CSMD1: variants seen among roughly 807,000 people sequenced by gnomAD.
CSMD1 encodes CUB and Sushi multiple domains 1, also known as CUB and sushi domain-containing protein 1.
In CSMD1, 213 loss-of-function variants were observed where a neutral mutation model predicts 417.5. The observed-to-expected ratio is 0.51, with a 90% CI of 0.46 to 0.57. CSMD1 has a LOEUF of 0.57. Ranked by LOEUF, CSMD1 falls within the 20% of genes least tolerant of loss-of-function variation. The probability of loss-of-function intolerance (pLI) is 0.00; values close to 1 mark genes in which losing one functional copy is unlikely to be tolerated. For missense variants in CSMD1, 6,923 were observed against 4,529.7 expected, an observed-to-expected ratio of 1.53 and a Z score of -15.17; for synonymous variants, 2,862 against 1,736.8, an observed-to-expected ratio of 1.65 and a Z score of -16.11.
intron 3 of CSMD1, among the ~76,000 whole-genome samples, chr8:4,328,123 T>C (rs904499854): frequency 3.3e-5 from 5 of 152,186 alleles, no homozygotes; most frequent in Admixed American, 6.5e-5. Context: ...TATGTCCATT[T>C]ATGAATGAAG....
chr8:4,682,805 G>C (rs917978077), intron 1 of CSMD1, among the ~76,000 whole-genome samples: 5 of 150,862 alleles, frequency 3.3e-5, no homozygotes, highest in African/African-American at 1.2e-4. Flanking sequence ...TTATATATAA[G>C]AATATGATTT....
chr8:4,164,887 A>AG (rs1563209916), intron 3 of CSMD1, among the ~76,000 whole-genome samples: 2 of 123,088 alleles, frequency 1.6e-5, no homozygotes, highest in Non-Finnish European at 3.4e-5. Context: ...AAAGAAAAAA[A>AG]AAAATATATA....
chr8:3,463,199 C>G (rs751512588), intron 12 of CSMD1, among the ~76,000 whole-genome samples: 5 of 152,308 alleles, frequency 3.3e-5, no homozygotes, highest in Non-Finnish European at 7.3e-5. Context: ...ACTGTTCAAC[C>G]TCTCCCTCCA....
rs181854976 is a variant in CSMD1 at position 4,124,533 on chromosome 8, G to A, written c.416-92434C>T. Among the ~76,000 whole-genome samples the A allele has an allele frequency of 2.7e-4, 41 of 152,284 alleles. 1 individual carries two copies. Among genetic ancestry groups the A allele is most frequent in the African/African-American group, 8.9e-4 (37 of 41,558 alleles). On this transcript the variant is annotated intron_variant, in intron 3 of 69. Transcript: ENST00000635120. ...GTGTGTCTTCAAGTATCAAAGCCCTGAGAACTTACAGAAGCTTTGTGGCCA... is the reference window on the plus strand; with the variant it reads ...GTGTGTCTTCAAGTATCAAAGCCCTAAGAACTTACAGAAGCTTTGTGGCCA...
At chr8:3,266,407 A>G (rs1420095517) in intron 26 of CSMD1, among the ~76,000 whole-genome samples, 3 of 151,364 alleles carry the variant, frequency 2.0e-5, no homozygotes, top group African/African-American at 7.3e-5. Context: ...GGAGATTGAG[A>G]CCAGCCTGGC....
At chr8:3,078,610 G>C (rs967750955) in intron 49 of CSMD1, among the ~76,000 whole-genome samples, 1 of 152,158 alleles carries the variant, frequency 6.6e-6, no homozygotes, top group Non-Finnish European at 1.5e-5. Flanking sequence ...GCTAAAAATG[G>C]CTTTTACATC....
At chr8:4,527,622 A>G (rs912329857) in intron 2 of CSMD1, among the ~76,000 whole-genome samples, 1 of 152,234 alleles carries the variant, frequency 6.6e-6, no homozygotes, top group African/African-American at 2.4e-5. Context: ...TATTGCAGCC[A>G]TAGATCCCAG....
chr8:4,604,807 G>T (rs573718943), intron 2 of CSMD1, among the ~76,000 whole-genome samples: 31 of 152,238 alleles, frequency 2.0e-4, no homozygotes, highest in Admixed American at 7.8e-4. Context: ...ATATTTAGTT[G>T]TACCTCCTTT....
At position 4,120,646 on chromosome 8, in the gene CSMD1, G is replaced by C. The variant is rs116655846; in HGVS notation, c.416-88547C>G. On this transcript the variant is annotated intron_variant, in intron 3 of 69. Coordinates refer to ENST00000635120, the MANE Select transcript of CSMD1 (RefSeq NM_033225.6). ...GTGTACCTGCCACTGGCCTTCTCTA[G>C]TCAGTAACTTCATCACGTGACTTTT... 4.6e-3 allele frequency among the ~76,000 whole-genome samples: 700 copies of C among 152,314 alleles called. 4 individuals are homozygous for C. Among genetic ancestry groups the C allele is most frequent in the African/African-American group, 0.016 (680 of 41,568 alleles).
At chr8:3,199,995 G>T (rs1585634451) in intron 32 of CSMD1, among the ~76,000 whole-genome samples, 186 bp from the exon 33 acceptor site, 1 of 152,272 alleles carries the variant, frequency 6.6e-6, no homozygotes, top group African/African-American at 2.4e-5. Flanking sequence ...TCCTAGGCAA[G>T]AATAGGCAGT....
At chr8:4,852,969 T>A (rs1801572089) in intron 1 of CSMD1, among the ~76,000 whole-genome samples, 1 of 152,178 alleles carries the variant, frequency 6.6e-6, no homozygotes, top group Non-Finnish European at 1.5e-5. Context: ...ATTCATGATG[T>A]GGCCTGGCTG....
At chr8:3,985,094 G>T (rs936612646) in intron 5 of CSMD1, among the ~76,000 whole-genome samples, 5 of 151,930 alleles carry the variant, frequency 3.3e-5, no homozygotes, top group Non-Finnish European at 7.4e-5. Flanking sequence ...TGTTACTTAG[G>T]GGGGACTTGT....
At chr8:4,242,652 T>C (rs1401328546) in intron 3 of CSMD1, among the ~76,000 whole-genome samples, 3 of 152,172 alleles carry the variant, frequency 2.0e-5, no homozygotes, top group African/African-American at 4.8e-5. Flanking sequence ...TGGAAATAGA[T>C]TCCCTCCTTC....
chr8:4,032,303 C>G (rs764135209), intron 3 of CSMD1, among the ~76,000 whole-genome samples: 5 of 152,174 alleles, frequency 3.3e-5, no homozygotes, highest in Non-Finnish European at 7.3e-5. Context: ...TTATAAACAT[C>G]ATAAAGTGTA....
intron 3 of CSMD1, among the ~76,000 whole-genome samples, chr8:4,127,986 TG>T (rs1802865878): frequency 6.6e-6 from 1 of 152,192 alleles, no homozygotes; most frequent in Admixed American, 6.5e-5. Context: ...GCCACTGCTT[TG>T]GGAAAGGGAT....
At chr8:4,149,713 C>A (rs550597914) in intron 3 of CSMD1, among the ~76,000 whole-genome samples, 21 of 152,326 alleles carry the variant, frequency 1.4e-4, no homozygotes, top group African/African-American at 3.6e-4. Flanking sequence ...TGAGCTCCAA[C>A]AGAAACATTT....
chr8:4,678,269 G>C (rs1805822150), intron 1 of CSMD1, among the ~76,000 whole-genome samples: 1 of 151,978 alleles, frequency 6.6e-6, no homozygotes, highest in African/African-American at 2.4e-5. Context: ...AAATTAGCCA[G>C]GTGTGGTGGC....
At chr8:4,720,836 G>A (rs1242187998) in intron 1 of CSMD1, among the ~76,000 whole-genome samples, 1 of 152,138 alleles carries the variant, frequency 6.6e-6, no homozygotes, top group Admixed American at 6.6e-5. Flanking sequence ...AACACAGAAG[G>A]AAAGTCTAGA....
chr8:3,040,634 C>G (rs1054030078), intron 50 of CSMD1, among the ~76,000 whole-genome samples: 4 of 151,822 alleles, frequency 2.6e-5, no homozygotes, highest in Non-Finnish European at 5.9e-5. Context: ...GAAACCCCGT[C>G]TCTACTAAAA....
Sources: gnomAD v4.1 joint callset for allele counts (sites outside exome capture counted in the v4.1 genomes callset) on GRCh38, gnomAD v4.1.1 for gene constraint, MANE v1.5 for transcripts, NCBI Gene and HGNC (gene_info 2026-07-23, HGNC 2026-07-21) for gene names.